NEK4: variants seen among roughly 807,000 people sequenced by gnomAD.
The protein encoded by NEK4 is serine/threonine-protein kinase Nek4.
Under a neutral mutation model 98.4 loss-of-function variants are expected in NEK4, and 86 were observed. The ratio of observed to expected loss-of-function variants is 0.87; its 90% confidence interval spans 0.73 to 1.05. The LOEUF is 1.05. NEK4 is among the 50% of genes least tolerant of loss of function. The probability of loss-of-function intolerance (pLI) is 0.00; values close to 1 mark genes in which losing one functional copy is unlikely to be tolerated. For synonymous variants in NEK4, 328 were observed against 342.2 expected (o/e 0.96, Z 0.46); for missense variants, 898 against 950.3 (o/e 0.94, Z 0.72).
chr3:52,723,672 G>GA (rs1305998336), intron 15 of NEK4, among the ~76,000 whole-genome samples: 2 of 152,064 alleles, frequency 1.3e-5, no homozygotes, highest in African/African-American at 4.8e-5. Flanking sequence ...AGAACAGGAA[G>GA]AAAAAAGACT....
At chr3:52,736,356 G>A (rs1389684357) in intron 15 of NEK4, among the ~76,000 whole-genome samples, 1 of 152,176 alleles carries the variant, frequency 6.6e-6, no homozygotes, top group Non-Finnish European at 1.5e-5. Context: ...GGAGGCCGAG[G>A]TGGGCAGATC....
intron 15 of NEK4, among the ~76,000 whole-genome samples, chr3:52,736,086 A>C (rs528181483): frequency 8.5e-5 from 13 of 152,206 alleles, no homozygotes; most frequent in Non-Finnish European, 1.8e-4. Flanking sequence ...CTCTTATTTT[A>C]CTTGGTGCTA....
intron 15 of NEK4, among the ~76,000 whole-genome samples, chr3:52,722,790 G>C (rs547385568): frequency 6.6e-6 from 1 of 152,056 alleles, no homozygotes; most frequent in South Asian, 2.1e-4. Flanking sequence ...CTACAGTCCT[G>C]GCAACCTGGG....
Position 52,765,984 on chromosome 3 carries a change from C to T in NEK4, c.569G>A (p.Trp190Ter). The change falls in exon 4 of 16, where the codon TGG (tryptophan) becomes TAG (stop). Residue 190 changes from tryptophan (W) to a stop codon, truncating the protein, a stop_gained. Coordinates refer to ENST00000233027, the MANE Select transcript of NEK4 (RefSeq NM_003157.6). LOFTEE classifies it high-confidence loss of function. ...TTCATAGACACAGCATCCTAGAGCC[C>T]AAACATCAGACTAGAAAATAAAAAC... ...NKPYNYKSDV[W>*]ALGCCVYEMA... The T allele has an allele frequency of 3.1e-6, 5 of 1,604,754 alleles. No homozygotes were observed. The highest frequency in any genetic ancestry group is 4.3e-6 in the Non-Finnish European group (5 of 1,171,828).
At chr3:52,744,808 T>A (rs1256519562) in intron 10 of NEK4, among the ~76,000 whole-genome samples, 1 of 151,838 alleles carries the variant, frequency 6.6e-6, no homozygotes, top group East Asian at 1.9e-4. Context: ...AGCAGGGTTA[T>A]AGCTACTAGT....
intron 15 of NEK4, among the ~76,000 whole-genome samples, chr3:52,724,716 C>A (rs576021615): frequency 9.2e-5 from 14 of 152,276 alleles, no homozygotes; most frequent in Admixed American, 7.2e-4. Flanking sequence ...TTCAGTTATA[C>A]AGCAGGAGTT....
intron 14 of NEK4, 93 bp from the exon 15 acceptor site, chr3:52,737,812 TATTTA>T (rs1277016909): frequency 2.2e-6 from 2 of 920,606 alleles, no homozygotes; most frequent in Admixed American, 6.3e-5. Flanking sequence ...TATTTTATTT[TATTTA>T]TTTATTTTAT....
intron 8 of NEK4, among the ~76,000 whole-genome samples, chr3:52,749,048 C>T (rs529899018): frequency 6.6e-6 from 1 of 152,166 alleles, no homozygotes; most frequent in African/African-American, 2.4e-5. Context: ...GATCACATCA[C>T]TGCACTCCAG....
chr3:52,713,916 C>T (rs902399084), intron 15 of NEK4, among the ~76,000 whole-genome samples: 1 of 152,042 alleles, frequency 6.6e-6, no homozygotes, highest in Non-Finnish European at 1.5e-5. Context: ...CAGCATGACA[C>T]CATAAGGAGC....
intron 15 of NEK4, among the ~76,000 whole-genome samples, chr3:52,732,154 T>A (rs969277409): frequency 1.2e-4 from 18 of 152,204 alleles, no homozygotes; most frequent in African/African-American, 4.3e-4. Context: ...ATGCTGGGAT[T>A]ACAGGCATGA....
At chr3:52,751,863 C>G (rs145428781) in intron 7 of NEK4, 69 bp downstream of exon 7, 22 of 1,398,460 alleles carry the variant, frequency 1.6e-5, no homozygotes, top group Admixed American at 2.1e-5. Flanking sequence ...ACAACAGAAC[C>G]CACATATTTG....
chr3:52,750,232 ATC>A (rs1028354315), intron 7 of NEK4, among the ~76,000 whole-genome samples: 2 of 152,178 alleles, frequency 1.3e-5, no homozygotes, highest in African/African-American at 4.8e-5. Context: ...CCAAATGTAC[ATC>A]AACTGATGAA....
intron 6 of NEK4, among the ~76,000 whole-genome samples, chr3:52,755,586 T>A (rs1272408449): frequency 6.6e-6 from 1 of 151,992 alleles, no homozygotes; most frequent in Non-Finnish European, 1.5e-5. Flanking sequence ...AAACATCACA[T>A]TTAATGGTGA....
At chr3:52,742,348 C>A (rs1371010245) in intron 12 of NEK4, among the ~76,000 whole-genome samples, 3 of 151,634 alleles carry the variant, frequency 2.0e-5, no homozygotes, top group Non-Finnish European at 4.4e-5. Flanking sequence ...TGAGATAACA[C>A]CCACAAGCCA....
chr3:52,770,641 C>A lies in NEK4; in HGVS notation c.93+13G>T. The A allele has an allele frequency of 6.5e-7, 1 of 1,543,510 alleles. No individual in the cohort carries two copies. The highest frequency in any genetic ancestry group is 2.0e-4 in the Middle Eastern group (1 of 5,052). ...CCCGCCCCCGCCCCTTGCCGGGCCC[C>A]ACCCCTGCAGACCTGCTTGCCGTCC... On this transcript the variant is annotated intron_variant, in intron 1 of 15. Coordinates refer to ENST00000233027, the MANE Select transcript of NEK4 (RefSeq NM_003157.6).
chr3:52,723,710 C>T (rs942095654), intron 15 of NEK4, among the ~76,000 whole-genome samples: 1 of 151,964 alleles, frequency 6.6e-6, no homozygotes, highest in African/African-American at 2.4e-5. Context: ...CTTAAAGGAC[C>T]TATAGAACAC....
chr3:52,731,582 G>C (rs1302735604), intron 15 of NEK4, among the ~76,000 whole-genome samples: 2 of 152,224 alleles, frequency 1.3e-5, no homozygotes, highest in African/African-American at 4.8e-5. Context: ...GGGACAACAG[G>C]AGAGCCACAT....
Position 52,737,689 on chromosome 3 carries a change from C to T in NEK4, c.2330G>A (p.Arg777Lys). 2 of 1,613,704 alleles carry T rather than the reference C, an allele frequency of 1.2e-6. No homozygotes were observed. Among genetic ancestry groups the T allele is most frequent in the Non-Finnish European group, 1.7e-6 (2 of 1,179,758 alleles). Residue 777 changes from arginine (R) to lysine (K), a missense_variant, in exon 15 of 16, where the codon AGA (arginine) becomes AAA (lysine). By Grantham distance (26) the Arg-to-Lys change is conservative. Coordinates refer to ENST00000233027, the MANE Select transcript of NEK4 (RefSeq NM_003157.6). ...AIMPGSEKIR[R>K]LVEVLRTDVI... ...ATCAGTTCTCAAGACTTCAACTAGT[C>T]TCCTGATCTTTTCAGAACCTGGCAT...
rs1364165953 is a variant in NEK4 at position 52,770,918 on chromosome 3, C to G, written c.-172G>C. ...GCCCGCGACGACGCCGCTGCCATAG[C>G]GATCCGGGCCGGGAGCAGTTCTGCG... On this transcript the variant is annotated 5_prime_UTR_variant, in exon 1 of 16. Coordinates refer to ENST00000233027, the MANE Select transcript of NEK4 (RefSeq NM_003157.6). 3 of 612,914 alleles carry G rather than the reference C, an allele frequency of 4.9e-6. No individual in the cohort carries two copies. The highest frequency in any genetic ancestry group is 8.6e-6 in the Non-Finnish European group (3 of 349,456). 38.0% of individuals were successfully genotyped at this position (612,914 alleles called of 1,614,324 possible). A position where few individuals can be genotyped will look rare whatever the true frequency, so the allele number is the denominator to read the frequency against.
Sources: gnomAD v4.1 joint callset for allele counts (sites outside exome capture counted in the v4.1 genomes callset) on GRCh38, gnomAD v4.1.1 for gene constraint, MANE v1.5 for transcripts, NCBI Gene and HGNC (gene_info 2026-07-23, HGNC 2026-07-21) for gene names.